Variants in LARGE1 observed in about 807,000 individuals in gnomAD.
LARGE1 encodes the protein LARGE xylosyl- and glucuronyltransferase 1.
LARGE1 carries 43 observed loss-of-function variants against 87.6 expected under a neutral mutation model. The ratio of observed to expected loss-of-function variants is 0.49; its 90% CI spans 0.38 to 0.63. The LOEUF (loss-of-function observed/expected upper bound fraction) is 0.63. Ranked by LOEUF, LARGE1 falls within the 30% of genes least tolerant of loss-of-function variation. The pLI, the probability that LARGE1 is intolerant of heterozygous loss-of-function variation, is 0.00. For missense variants in LARGE1, 802 were observed against 1,000.2 expected (o/e 0.80, Z 2.67); for synonymous variants, 434 against 394.6 (o/e 1.10, Z -1.18).
chr22:33,202,975 A>G (rs1215355040), intron 11 of LARGE1, among the ~76,000 whole-genome samples: 2 of 152,214 alleles, frequency 1.3e-5, no homozygotes, highest in African/African-American at 4.8e-5. Flanking sequence ...TTTGTAGGAT[A>G]ATAATATAAT....
the LARGE1 span, among the ~76,000 whole-genome samples, chr22:33,071,033 A>G: frequency 6.6e-6 from 1 of 152,310 alleles, no homozygotes; most frequent in Non-Finnish European, 1.5e-5. Context: ...AAAAAAATAA[A>G]AAAAGCCAAC....
intron 2 of LARGE1, among the ~76,000 whole-genome samples, chr22:33,657,564 A>G (rs954515294): frequency 3.3e-5 from 5 of 152,084 alleles, no homozygotes; most frequent in Non-Finnish European, 7.3e-5. Context: ...GCTGTGTTCC[A>G]GTCAAATTTT....
At chr22:33,315,258 C>A (rs558781008) in intron 11 of LARGE1, among the ~76,000 whole-genome samples, 106 of 152,310 alleles carry the variant, frequency 7.0e-4, no homozygotes, top group Middle Eastern at 3.4e-3. Context: ...AACTGCTCTG[C>A]AAGGGAGCCT....
chr22:33,364,370 T>A (rs1006512888), intron 9 of LARGE1, among the ~76,000 whole-genome samples: 1 of 152,154 alleles, frequency 6.6e-6, no homozygotes, highest in African/African-American at 2.4e-5. Context: ...TTTCATTCTT[T>A]TTCTCCGCTT....
intron 2 of LARGE1, among the ~76,000 whole-genome samples, chr22:33,755,672 C>T (rs992660284): frequency 1.3e-5 from 2 of 152,160 alleles, no homozygotes; most frequent in African/African-American, 2.4e-5. Flanking sequence ...AAAGGAGCCA[C>T]GTCCTCAGGT....
intron 1 of LARGE1, among the ~76,000 whole-genome samples, chr22:33,865,299 G>A (rs975710906): frequency 6.6e-5 from 10 of 152,094 alleles, no homozygotes; most frequent in Admixed American, 1.3e-4. Context: ...AATTTCAGCC[G>A]GACCTTCTCT....
At chr22:33,112,544 G>A in the LARGE1 span, among the ~76,000 whole-genome samples, 1 of 152,184 alleles carries the variant, frequency 6.6e-6, no homozygotes, top group East Asian at 1.9e-4. Flanking sequence ...TTAAATGAAT[G>A]AAATAAGTGA....
intron 1 of LARGE1, among the ~76,000 whole-genome samples, chr22:33,784,992 C>T (rs13056817): frequency 0.9 from 131,900 of 146,362 alleles, 59,511 homozygotes; most frequent in East Asian, 0.97. Flanking sequence ...CATATGTGTA[C>T]GTGTATATAC....
chr22:33,690,632 G>A (rs1031421480), intron 2 of LARGE1, among the ~76,000 whole-genome samples: 3 of 151,386 alleles, frequency 2.0e-5, no homozygotes, highest in Non-Finnish European at 4.4e-5. Context: ...GTAGGGTGAG[G>A]GCAGACAGAG....
intron 1 of LARGE1, among the ~76,000 whole-genome samples, chr22:33,895,411 C>T (rs78787317): frequency 6.6e-6 from 1 of 152,174 alleles, no homozygotes; most frequent in Non-Finnish European, 1.5e-5. Context: ...CAAAACAGCA[C>T]ACATTCATTA....
At chr22:33,700,304 C>T (rs537683191) in intron 2 of LARGE1, among the ~76,000 whole-genome samples, 5 of 152,278 alleles carry the variant, frequency 3.3e-5, no homozygotes, top group South Asian at 2.1e-4. Flanking sequence ...AGAATCGATG[C>T]TCTAGGAAAA....
intron 7 of LARGE1, among the ~76,000 whole-genome samples, chr22:33,396,813 T>C (rs1053536222): frequency 6.6e-6 from 1 of 152,210 alleles, no homozygotes; most frequent in Non-Finnish European, 1.5e-5. Context: ...TCTTCCTCTT[T>C]ATCTCACTGG....
chr22:33,696,921 C>A (rs1310467569), intron 2 of LARGE1, among the ~76,000 whole-genome samples: 2 of 152,140 alleles, frequency 1.3e-5, no homozygotes, highest in Non-Finnish European at 2.9e-5. Context: ...GCACACTTAA[C>A]TCCCATTGTA....
intron 11 of LARGE1, among the ~76,000 whole-genome samples, chr22:33,257,486 G>A (rs189981577): frequency 7.9e-4 from 121 of 152,252 alleles, no homozygotes; most frequent in Non-Finnish European, 1.2e-3. Context: ...GCAGGGGGGT[G>A]GGAGGGAATG....
intron 1 of LARGE1, among the ~76,000 whole-genome samples, chr22:33,769,894 C>G (rs1044913283): frequency 6.6e-6 from 1 of 152,224 alleles, no homozygotes; most frequent in African/African-American, 2.4e-5. Context: ...GGCTCACTAT[C>G]GTCCTCCCTG....
chr22:33,530,228 G>C (rs993142137), intron 6 of LARGE1, among the ~76,000 whole-genome samples: 1 of 152,050 alleles, frequency 6.6e-6, no homozygotes, highest in Non-Finnish European at 1.5e-5. Context: ...ACTATGAAGT[G>C]GAAAGCATGA....
chr22:33,096,944 G>T, the LARGE1 span, among the ~76,000 whole-genome samples: 4 of 152,316 alleles, frequency 2.6e-5, no homozygotes, highest in African/African-American at 9.6e-5. Context: ...TTACTGCAGA[G>T]GATTGGCTGT....
intron 11 of LARGE1, among the ~76,000 whole-genome samples, chr22:33,229,243 A>G (rs1297318971): frequency 1.3e-5 from 2 of 152,202 alleles, no homozygotes; most frequent in Non-Finnish European, 2.9e-5. Context: ...CTACAAAAGA[A>G]ACACCATCCA....
chr22:33,654,214 G>GA (rs1301904425), intron 2 of LARGE1, among the ~76,000 whole-genome samples: 3 of 152,168 alleles, frequency 2.0e-5, no homozygotes, highest in African/African-American at 7.2e-5. Context: ...AATCAATGTT[G>GA]AAAAAAGCAA....
Sources: allele counts gnomAD v4.1 joint callset (sites outside exome capture counted in the v4.1 genomes callset), GRCh38; gene constraint gnomAD v4.1.1; transcripts MANE v1.5; gene names NCBI Gene and HGNC (gene_info 2026-07-23, HGNC 2026-07-21).